SORBS2: variants seen among roughly 807,000 people sequenced by gnomAD.
SORBS2 encodes the protein sorbin and SH3 domain-containing protein 2.
SORBS2 carries 46 observed loss-of-function variants against 97.7 expected under a neutral mutation model. The observed-to-expected ratio is 0.47, with a 90% confidence interval of 0.37 to 0.60. SORBS2 has a LOEUF of 0.60. Among genes scored for constraint, SORBS2 ranks in the 20% least tolerant of loss-of-function variants. The pLI, the probability that SORBS2 is intolerant of heterozygous loss-of-function variation, is 0.00. For missense variants in SORBS2, 1,316 were observed against 1,282.3 expected (o/e 1.03, Z -0.40); for synonymous variants, 476 against 473.4 (o/e 1.01, Z -0.07).
chr4:185,649,494 C>G (rs757943320), exon 3 of SORBS2: 1 of 1,589,274 alleles, frequency 6.3e-7, no homozygotes. Flanking sequence ...ATCTCTTGGT[C>G]GAAGCGGCGG....
chr4:185,801,709 G>C, intron 1 of SORBS2, among the ~76,000 whole-genome samples: 1 of 151,770 alleles, frequency 6.6e-6, no homozygotes, highest in Non-Finnish European at 1.5e-5. Flanking sequence ...ATGCTCTTGA[G>C]TTGTAAACAC....
In SORBS2 at chr4:185,874,899, A is replaced by G. The variant is rs551109124; in HGVS notation, c.-338+81297T>C. Among the ~76,000 whole-genome samples, 3 of 123,418 alleles carry G rather than the reference A, an allele frequency of 2.4e-5. No homozygotes were observed. In the East Asian group the frequency reaches 1.0e-3, roughly 43 times the overall value. 81.0% of individuals were successfully genotyped at this position (123,418 alleles called of 152,430 possible). A position where few individuals can be genotyped will look rare whatever the true frequency, so the allele number is the denominator to read the frequency against. ...CATGCTACAGTATATTGTGTTTGGC[A>G]CAATGCTTCACATATGTGAATATTT... On this transcript the variant is annotated intron_variant, in intron 1 of 20. Transcript: ENST00000284776.
intron 1 of SORBS2, among the ~76,000 whole-genome samples, chr4:185,929,234 G>A (rs1025162376): frequency 6.6e-6 from 1 of 152,080 alleles, no homozygotes; most frequent in African/African-American, 2.4e-5. Flanking sequence ...TGCAAGTCTG[G>A]GATAAACATC....
At position 185,594,967 on chromosome 4, in the gene SORBS2, T is replaced by C. The variant is rs2153366806; in HGVS notation, c.2797-1032A>G. On this transcript the variant is annotated intron_variant, in intron 12 of 14. Transcript: ENST00000418609. The stretch of plus-strand genomic sequence containing the variant: ...GTCCTTAGACTTTGGGACCAGTTCT[T>C]AGATTTCCATAGTTATGAGTGGATT... Among the ~76,000 whole-genome samples, 3 of 152,296 alleles carry C rather than the reference T, an allele frequency of 2.0e-5. No homozygotes were observed. In the South Asian group the frequency reaches 6.2e-4, roughly 32 times the overall value.
chr4:185,703,673 G>A (rs935810849), intron 2 of SORBS2, among the ~76,000 whole-genome samples: 35 of 152,066 alleles, frequency 2.3e-4, no homozygotes, highest in African/African-American at 8.2e-4. Context: ...GAGAAATGTC[G>A]GCATCAGGCT....
intron 1 of SORBS2, among the ~76,000 whole-genome samples, chr4:185,866,970 A>G (rs2310366): frequency 0.4 from 61,294 of 151,778 alleles, 12,746 homozygotes; most frequent in Middle Eastern, 0.47. Context: ...GAGTAACGCA[A>G]TGTATACTAA....
intron 1 of SORBS2, among the ~76,000 whole-genome samples, chr4:185,795,471 G>A (rs1163329472): frequency 6.6e-6 from 1 of 152,088 alleles, no homozygotes; most frequent in Non-Finnish European, 1.5e-5. Flanking sequence ...TCTCTCTGAA[G>A]GTCTACATGG....
chr4:185,613,806 G>A (rs1412170072), intron 11 of SORBS2, among the ~76,000 whole-genome samples: 1 of 152,136 alleles, frequency 6.6e-6, no homozygotes, highest in Non-Finnish European at 1.5e-5. Context: ...CAGAGTTCAT[G>A]TAATGCTCTG....
intron 2 of SORBS2, 54 bp from the exon 11 acceptor site, chr4:185,651,882 C>A (rs76447220): frequency 2.3e-6 from 2 of 884,026 alleles, no homozygotes; most frequent in Non-Finnish European, 3.7e-6. Context: ...CAAAGGACAA[C>A]GAGACAGCAG....
chr4:185,704,781 A>C (rs190598053), intron 2 of SORBS2, among the ~76,000 whole-genome samples: 64 of 152,314 alleles, frequency 4.2e-4, no homozygotes, highest in Non-Finnish European at 7.9e-4. Context: ...TCAGTCCCAC[A>C]GTTCATTTGC....
At chr4:185,877,248 C>T (rs2099234150) in intron 1 of SORBS2, among the ~76,000 whole-genome samples, 1 of 152,038 alleles carries the variant, frequency 6.6e-6, no homozygotes, top group Non-Finnish European at 1.5e-5. Context: ...ATCTATTAAA[C>T]ATATTAGCTA....
Position 185,771,282 on chromosome 4 carries a change from C to T in SORBS2, c.-198+3945G>A, listed in dbSNP as rs189112071. The T allele has an allele frequency of 1.9e-3, 287 of 152,308 alleles. 3 individuals carry two copies. Among genetic ancestry groups the T allele is most frequent in the Middle Eastern group, 6.7e-3 (2 of 298 alleles). 9.4% of individuals were successfully genotyped at this position (152,308 alleles called of 1,614,324 possible). A position where few individuals can be genotyped will look rare whatever the true frequency, so the allele number is the denominator to read the frequency against. ...CTGGGGTTATAGGCGTGAGCCACCACGCCAAGCCTATCCTTCCCCTTTTTC... is the reference window on the plus strand; with the variant it reads ...CTGGGGTTATAGGCGTGAGCCACCATGCCAAGCCTATCCTTCCCCTTTTTC... On this transcript the variant is annotated intron_variant, in intron 2 of 20. Coordinates refer to the SORBS2 transcript ENST00000284776.
rs1260925225 is a variant in SORBS2, at chr4:185,623,586, T to TGTA, written c.1540_1542dup (p.Tyr514dup). Reference sequence around the variant, plus strand: ...CAGAAGGATGACCCCTCTAGGTGAATGTAGTCACTGTGGTCGGACACAACC... The same window carrying TGTA: ...CAGAAGGATGACCCCTCTAGGTGAATGTAGTAGTCACTGTGGTCGGACACAACC... On this transcript the variant is annotated inframe_insertion, in exon 7 of 15. Coordinates refer to ENST00000418609, the Ensembl canonical transcript of SORBS2. The surrounding 1 kb of genome is among the most constrained non-coding windows in gnomAD (Gnocchi z 6.4). 6.2e-7 allele frequency: 1 copy of TGTA among 1,614,096 alleles called. No individual in the cohort carries two copies. Among genetic ancestry groups the TGTA allele is most frequent in the Admixed American group, 1.7e-5 (1 of 60,026 alleles).
chr4:185,943,980 GTTTGTTTA>G (rs2099273341), intron 1 of SORBS2, among the ~76,000 whole-genome samples: 1 of 152,152 alleles, frequency 6.6e-6, no homozygotes, highest in African/African-American at 2.4e-5. Flanking sequence ...CAATCATTCT[GTTTGTTTA>G]AATGTTGAAG....
chr4:185,740,209 T>G (rs977985340), intron 2 of SORBS2: 5 of 152,452 alleles, frequency 3.3e-5, no homozygotes, highest in Non-Finnish European at 4.4e-5. Context: ...GTGTGGCTTG[T>G]GCAGGAATGG....
At chr4:185,635,612 A>T (rs956450967) in intron 4 of SORBS2, among the ~76,000 whole-genome samples, 1 of 152,194 alleles carries the variant, frequency 6.6e-6, no homozygotes, top group Non-Finnish European at 1.5e-5. Flanking sequence ...AAATATTCTC[A>T]AGCACTGGGA....
At chr4:185,835,683 G>A (rs910859443) in intron 1 of SORBS2, among the ~76,000 whole-genome samples, 32 of 139,388 alleles carry the variant, frequency 2.3e-4, no homozygotes, top group Admixed American at 8.5e-4. Context: ...TGCACCAGCA[G>A]TGTTCAGCTA....
chr4:185,602,008 TGAG>T (rs1364904890), intron 12 of SORBS2, among the ~76,000 whole-genome samples: 1 of 152,212 alleles, frequency 6.6e-6, no homozygotes, highest in Admixed American at 6.5e-5. Flanking sequence ...ATAGAGGAGC[TGAG>T]ATTTATACTA....
chr4:185,780,424 C>T (rs1490353561), intron 1 of SORBS2, among the ~76,000 whole-genome samples: 5 of 152,160 alleles, frequency 3.3e-5, no homozygotes, highest in East Asian at 1.9e-4. Flanking sequence ...AAGCATCCGT[C>T]GGGTCATCTA....
Sources: allele counts gnomAD v4.1 joint callset (sites outside exome capture counted in the v4.1 genomes callset), GRCh38; gene constraint gnomAD v4.1.1; non-coding constraint Gnocchi (gnomAD v3.1); transcripts MANE v1.5; gene names NCBI Gene and HGNC (gene_info 2026-07-23, HGNC 2026-07-21).